SLC30A8: variants seen among roughly 807,000 people sequenced by gnomAD.
SLC30A8 encodes proton-coupled zinc antiporter SLC30A8.
Under a neutral mutation model 36.9 loss-of-function variants are expected in SLC30A8, and 27 were observed. That is an observed-to-expected ratio of 0.73 (90% CI 0.54 to 1.01). The LOEUF is 1.01. Ranked by LOEUF, SLC30A8 falls within the 50% of genes least tolerant of loss-of-function variation. The pLI is 0.00. For missense variants in SLC30A8, 439 were observed against 452.0 expected, an observed-to-expected ratio of 0.97 and a Z score of 0.26; for synonymous variants, 164 against 172.4, an observed-to-expected ratio of 0.95 and a Z score of 0.38.
At chr8:117,172,066 G>GA (rs1036853882) in intron 7 of SLC30A8, among the ~76,000 whole-genome samples, 17 of 152,066 alleles carry the variant, frequency 1.1e-4, no homozygotes, top group Non-Finnish European at 2.4e-4. Flanking sequence ...TTTGGGACAG[G>GA]AAAAAAATGG....
At position 117,043,551 on chromosome 8, in the gene SLC30A8, A is replaced by G. The variant is rs147509769; in HGVS notation, c.-226+4293A>G. Among the ~76,000 whole-genome samples, 302 of 152,378 alleles carry G rather than the reference A, an allele frequency of 2.0e-3. 1 individual carries two copies. The highest frequency in any genetic ancestry group is 6.7e-3 in the African/African-American group (280 of 41,586). On this transcript the variant is annotated intron_variant, in intron 2 of 10. Coordinates refer to the SLC30A8 transcript ENST00000427715. ...GGTGATAAAGGTGATTGATAAAGAT[A>G]GGGTCAGATTTCAGAATAACTTGAC...
chr8:117,159,476 T>C (rs1461925625), intron 4 of SLC30A8, among the ~76,000 whole-genome samples: 1 of 152,224 alleles, frequency 6.6e-6, no homozygotes, highest in African/African-American at 2.4e-5. Context: ...ACATCTCACT[T>C]ACTCAGCTCT....
intron 2 of SLC30A8, 79 bp from the exon 3 acceptor site, chr8:117,152,865 C>A: frequency 8.3e-7 from 1 of 1,199,616 alleles, no homozygotes; most frequent in South Asian, 2.7e-5. Context: ...GTGGCATTTT[C>A]ACCCATGATG....
At chr8:117,138,220 A>T (rs1821461364) in intron 1 of SLC30A8, among the ~76,000 whole-genome samples, 1 of 151,996 alleles carries the variant, frequency 6.6e-6, no homozygotes, top group Non-Finnish European at 1.5e-5. Flanking sequence ...AAGTAAGGGC[A>T]GGAATAGATG....
At chr8:117,051,595 C>T (rs907976120) in intron 2 of SLC30A8, among the ~76,000 whole-genome samples, 11 of 152,176 alleles carry the variant, frequency 7.2e-5, no homozygotes, top group African/African-American at 4.8e-5. Context: ...GGGCGGATCA[C>T]AAGGTCAGGA....
At chr8:116,953,849 C>T (rs1291112920) in intron 1 of SLC30A8, among the ~76,000 whole-genome samples, 1 of 152,134 alleles carries the variant, frequency 6.6e-6, no homozygotes, top group Non-Finnish European at 1.5e-5. Flanking sequence ...TCCAGAAGAT[C>T]TCTACTCCAT....
chr8:117,102,235 T>C (rs2130859610), intron 2 of SLC30A8, among the ~76,000 whole-genome samples: 1 of 152,320 alleles, frequency 6.6e-6, no homozygotes, highest in South Asian at 2.1e-4. Flanking sequence ...ATAAGTTTAG[T>C]ATTAGTGGTA....
At chr8:116,959,475 T>G (rs769224654) in intron 1 of SLC30A8, among the ~76,000 whole-genome samples, 5 of 152,228 alleles carry the variant, frequency 3.3e-5, no homozygotes, top group Non-Finnish European at 4.4e-5. Context: ...TTTTCCTGCT[T>G]CTTTTTATGC....
chr8:116,976,225 G>A (rs1205834885), intron 1 of SLC30A8, among the ~76,000 whole-genome samples: 1 of 150,804 alleles, frequency 6.6e-6, no homozygotes, highest in Non-Finnish European at 1.5e-5. Flanking sequence ...TACCAGTGAA[G>A]CTGGTAAGTT....
chr8:116,978,237 TAGTC>T (rs1307301784), intron 1 of SLC30A8, among the ~76,000 whole-genome samples: 1 of 152,180 alleles, frequency 6.6e-6, no homozygotes, highest in Non-Finnish European at 1.5e-5. Flanking sequence ...GTATTTTTTT[TAGTC>T]AGTGTTTGAT....
chr8:117,139,150 A>G (rs940620533), intron 1 of SLC30A8, among the ~76,000 whole-genome samples: 4 of 152,086 alleles, frequency 2.6e-5, no homozygotes, highest in Admixed American at 2.0e-4. Flanking sequence ...TTGGCCTCAA[A>G]TATTACCCCT....
chr8:117,163,767 AGTAAG>A (rs1822911941), intron 6 of SLC30A8, among the ~76,000 whole-genome samples: 3 of 152,218 alleles, frequency 2.0e-5, no homozygotes, highest in African/African-American at 4.8e-5. Context: ...GTGTAAAAAC[AGTAAG>A]TATAAACACC....
At chr8:116,983,597 C>T (rs760381983) in intron 1 of SLC30A8, among the ~76,000 whole-genome samples, 3 of 152,134 alleles carry the variant, frequency 2.0e-5, no homozygotes, top group East Asian at 1.9e-4. Context: ...TTTATCAACA[C>T]GAAATGTCCC....
At chr8:116,985,606 T>C (rs548501427) in intron 1 of SLC30A8, among the ~76,000 whole-genome samples, 1 of 152,270 alleles carries the variant, frequency 6.6e-6, no homozygotes, top group Admixed American at 6.5e-5. Flanking sequence ...TTTACAATTA[T>C]TAAATTACAG....
At chr8:117,036,880 G>A (rs1271626714) in intron 1 of SLC30A8, among the ~76,000 whole-genome samples, 6 of 152,096 alleles carry the variant, frequency 3.9e-5, no homozygotes, top group African/African-American at 1.4e-4. Context: ...AGCCTAGTTG[G>A]GCTCCAAGGC....
At chr8:117,152,837 C>G (rs1000136319) in intron 2 of SLC30A8, 107 bp from the exon 3 acceptor site, 2 of 895,160 alleles carry the variant, frequency 2.2e-6, no homozygotes, top group Non-Finnish European at 1.6e-6. Context: ...TCTTTTTCCT[C>G]TAAAGTTTTG....
intron 1 of SLC30A8, among the ~76,000 whole-genome samples, chr8:117,015,149 G>A (rs1816474841): frequency 6.6e-6 from 1 of 151,916 alleles, no homozygotes; most frequent in Non-Finnish European, 1.5e-5. Context: ...ACAAACAAGA[G>A]GATTAAGGAT....
chr8:117,135,259 T>G lies in SLC30A8; in HGVS notation c.-69T>G, dbSNP rs1821307059. On this transcript the variant is annotated 5_prime_UTR_variant, in exon 1 of 8. Coordinates refer to ENST00000456015, the MANE Select transcript of SLC30A8 (RefSeq NM_173851.3). ...AGTGTATAAATAATTGCAGTGCTGC[T>G]TTGCTTCCAAAACTGGGCAGTGAGT... 6 of 1,179,332 alleles carry G rather than the reference T, an allele frequency of 5.1e-6. No homozygotes were observed. In the East Asian group the frequency reaches 9.8e-5, roughly 19 times the overall value. 73.1% of individuals were successfully genotyped at this position (1,179,332 alleles called of 1,614,324 possible). A position where few individuals can be genotyped will look rare whatever the true frequency, so the allele number is the denominator to read the frequency against.
intron 2 of SLC30A8, among the ~76,000 whole-genome samples, chr8:117,041,375 T>C (rs1406344327): frequency 6.6e-6 from 1 of 152,202 alleles, no homozygotes; most frequent in Admixed American, 6.5e-5. Flanking sequence ...TGACAGATTC[T>C]AGAATTTGCC....
Sources: gnomAD v4.1 joint callset for allele counts (sites outside exome capture counted in the v4.1 genomes callset) on GRCh38, gnomAD v4.1.1 for gene constraint, MANE v1.5 for transcripts, NCBI Gene and HGNC (gene_info 2026-07-23, HGNC 2026-07-21) for gene names.